C8orf34: variants seen among roughly 807,000 people sequenced by gnomAD.
C8orf34 encodes the protein uncharacterized protein C8orf34.
Under a neutral mutation model 68.3 loss-of-function variants are expected in C8orf34, and 65 were observed. The observed-to-expected ratio is 0.95, with a 90% CI of 0.78 to 1.17. C8orf34 has a LOEUF of 1.17. Among genes scored for constraint, C8orf34 ranks in the 50% most tolerant of loss-of-function variants. The pLI, the probability that C8orf34 is intolerant of heterozygous loss-of-function variation, is 0.00. For synonymous variants in C8orf34, 244 were observed against 241.2 expected, an observed-to-expected ratio of 1.01 and a Z score of -0.11; for missense variants, 664 against 655.4, an observed-to-expected ratio of 1.01 and a Z score of -0.14.
At chr8:68,336,189 CT>C (rs140189088) in intron 1 of C8orf34, among the ~76,000 whole-genome samples, 83 of 148,868 alleles carry the variant, frequency 5.6e-4, no homozygotes, top group African/African-American at 1.0e-3. Flanking sequence ...GCTTTCCTCC[CT>C]TTTTTTTTTC....
At chr8:68,511,644 A>T (rs546820767) in intron 5 of C8orf34, among the ~76,000 whole-genome samples, 1 of 152,338 alleles carries the variant, frequency 6.6e-6, no homozygotes, top group East Asian at 1.9e-4. Context: ...ACAGAAAATA[A>T]GAGGGCTGAA....
At chr8:68,618,491 A>G (rs1818294638) in intron 7 of C8orf34, among the ~76,000 whole-genome samples, 1 of 152,048 alleles carries the variant, frequency 6.6e-6, no homozygotes, top group South Asian at 2.1e-4. Context: ...CTGGAACCAC[A>G]GATGCACAAC....
At chr8:68,573,098 G>A (rs1034974208) in intron 7 of C8orf34, among the ~76,000 whole-genome samples, 10 of 152,018 alleles carry the variant, frequency 6.6e-5, no homozygotes, top group East Asian at 1.9e-4. Context: ...CTTCATGACC[G>A]ACTCTAGTTA....
intron 12 of C8orf34, among the ~76,000 whole-genome samples, chr8:68,798,288 CTT>C (rs10690187): frequency 1.0e-4 from 13 of 124,990 alleles, no homozygotes; most frequent in Non-Finnish European, 8.2e-5. Context: ...TTATGTCTGG[CTT>C]TTTTTTTTTT....
At chr8:68,509,600 G>A (rs1018600731) in intron 5 of C8orf34, among the ~76,000 whole-genome samples, 1 of 152,098 alleles carries the variant, frequency 6.6e-6, no homozygotes, top group Non-Finnish European at 1.5e-5. Context: ...AGAGAACCAC[G>A]GAGGAGAAAT....
chr8:68,619,423 G>A (rs992326338), intron 7 of C8orf34, among the ~76,000 whole-genome samples: 2 of 152,140 alleles, frequency 1.3e-5, no homozygotes, highest in Non-Finnish European at 2.9e-5. Flanking sequence ...ACCTGAGCAC[G>A]GACAGGCAGG....
At chr8:68,384,881 G>A (rs761448872) in intron 1 of C8orf34, among the ~76,000 whole-genome samples, 10 of 152,140 alleles carry the variant, frequency 6.6e-5, no homozygotes, top group Non-Finnish European at 1.3e-4. Flanking sequence ...TGACATGAGA[G>A]TGTAGAGTGA....
intron 7 of C8orf34, chr8:68,534,866 G>C: frequency 1.0e-6 from 1 of 985,332 alleles, no homozygotes; most frequent in Non-Finnish European, 1.2e-6. Context: ...ACCGAGGATT[G>C]AGTCTTGGAG....
At chr8:68,361,532 T>C (rs1428628483) in intron 1 of C8orf34, among the ~76,000 whole-genome samples, 1 of 152,210 alleles carries the variant, frequency 6.6e-6, no homozygotes, top group Non-Finnish European at 1.5e-5. Flanking sequence ...CAACTATCGC[T>C]CATTAGGGGA....
intron 1 of C8orf34, among the ~76,000 whole-genome samples, chr8:68,337,743 G>GC (rs1805911142): frequency 6.6e-6 from 1 of 152,102 alleles, no homozygotes; most frequent in African/African-American, 2.4e-5. Flanking sequence ...ATGTAGTTCA[G>GC]AATTTCATCA....
Position 68,813,236 on chromosome 8 carries a change from G to A in C8orf34, c.1550-2650G>A, listed in dbSNP as rs147646165. The stretch of plus-strand genomic sequence containing the variant: ...TTCCCACAAGTATAGGAAATAATGG[G>A]CTATCCCTAGTATAGGGGGAGTCCT... On this transcript the variant is annotated intron_variant, in intron 12 of 13. Coordinates refer to ENST00000518698, the MANE Select transcript of C8orf34 (RefSeq NM_052958.4). Among the ~76,000 whole-genome samples, 744 of 152,238 alleles carry A rather than the reference G, an allele frequency of 4.9e-3. 6 individuals are homozygous for A. Among genetic ancestry groups the A allele is most frequent in the African/African-American group, 0.017 (693 of 41,540 alleles).
chr8:68,646,699 A>G (rs1819184343), intron 8 of C8orf34, among the ~76,000 whole-genome samples: 1 of 152,084 alleles, frequency 6.6e-6, no homozygotes, highest in African/African-American at 2.4e-5. Context: ...TTAGATTTCA[A>G]ATATAGGTGA....
chr8:68,617,540 A>G (rs1818261496), intron 7 of C8orf34, among the ~76,000 whole-genome samples: 3 of 152,146 alleles, frequency 2.0e-5, no homozygotes, highest in Non-Finnish European at 4.4e-5. Flanking sequence ...TCCTTCACTT[A>G]TGAAGCTTAG....
chr8:68,727,581 C>T (rs1025319861), intron 10 of C8orf34, among the ~76,000 whole-genome samples: 1 of 152,250 alleles, frequency 6.6e-6, no homozygotes, highest in African/African-American at 2.4e-5. Context: ...GTTCTCCATA[C>T]AGGCCCTGCT....
intron 6 of C8orf34, among the ~76,000 whole-genome samples, chr8:68,526,645 G>C (rs1457715974): frequency 6.7e-6 from 1 of 148,442 alleles, no homozygotes; most frequent in African/African-American, 2.5e-5. Flanking sequence ...CAACTTCCAA[G>C]GCCTTAGTGC....
intron 1 of C8orf34, among the ~76,000 whole-genome samples, chr8:68,422,731 G>A (rs1810033927): frequency 6.6e-6 from 1 of 152,186 alleles, no homozygotes; most frequent in Non-Finnish European, 1.5e-5. Flanking sequence ...CTTCCACACT[G>A]CCCTAGCAGA....
At chr8:68,804,580 A>C (rs2129529706) in intron 12 of C8orf34, among the ~76,000 whole-genome samples, 1 of 152,266 alleles carries the variant, frequency 6.6e-6, no homozygotes, top group South Asian at 2.1e-4. Flanking sequence ...CAGGAGTTTG[A>C]GACCAGCCTG....
intron 10 of C8orf34, among the ~76,000 whole-genome samples, chr8:68,739,560 A>G (rs770845169): frequency 6.6e-6 from 1 of 152,154 alleles, no homozygotes; most frequent in Non-Finnish European, 1.5e-5. Context: ...TACAATGAGA[A>G]TTACAAAACA....
At chr8:68,342,204 A>T (rs1045425295) in intron 1 of C8orf34, among the ~76,000 whole-genome samples, 3 of 152,228 alleles carry the variant, frequency 2.0e-5, no homozygotes, top group African/African-American at 7.2e-5. Flanking sequence ...ATTTGTCAAT[A>T]AAAGTTATAG....
Sources: allele counts gnomAD v4.1 joint callset (sites outside exome capture counted in the v4.1 genomes callset), GRCh38; gene constraint gnomAD v4.1.1; transcripts MANE v1.5; gene names NCBI Gene and HGNC (gene_info 2026-07-23, HGNC 2026-07-21).